Variants in FLI1 observed in about 807,000 individuals in gnomAD.
The protein encoded by FLI1 is Fli-1 proto-oncogene, ETS transcription factor, also known as Friend leukemia integration 1 transcription factor.
Under a neutral mutation model 53.1 loss-of-function variants are expected in FLI1, and 13 were observed. That is an observed-to-expected ratio of 0.24 (90% confidence interval 0.16 to 0.39). The LOEUF (loss-of-function observed/expected upper bound fraction) is 0.39, where lower values mean the gene tolerates loss of function less well. Ranked by LOEUF, FLI1 falls within the 10% of genes least tolerant of loss-of-function variation. The pLI is 1.00. For synonymous variants in FLI1, 244 were observed against 236.7 expected, an observed-to-expected ratio of 1.03 and a Z score of -0.28; for missense variants, 424 against 600.5, an observed-to-expected ratio of 0.71 and a Z score of 3.07.
intron 5 of FLI1, among the ~76,000 whole-genome samples, chr11:128,802,361 G>C (rs186311823): frequency 1.1e-4 from 17 of 152,294 alleles, no homozygotes; most frequent in Admixed American, 9.8e-4. Context: ...GCTGTCCTTT[G>C]TGCAGCCAGG....
chr11:128,687,458 A>G (rs1256789981), intron 1 of FLI1, among the ~76,000 whole-genome samples: 1 of 152,080 alleles, frequency 6.6e-6, no homozygotes, highest in Admixed American at 6.5e-5. Context: ...ACGCCCTCCG[A>G]GTAGGGACCC....
At chr11:128,798,228 G>A (rs547902532) in intron 5 of FLI1, among the ~76,000 whole-genome samples, 8 of 152,268 alleles carry the variant, frequency 5.3e-5, no homozygotes, top group African/African-American at 1.4e-4. Flanking sequence ...GGAAGTTTTG[G>A]CAAACACCCA....
chr11:128,698,175 G>T (rs775079202), intron 1 of FLI1, among the ~76,000 whole-genome samples: 1 of 152,356 alleles, frequency 6.6e-6, no homozygotes, highest in Middle Eastern at 3.4e-3. Context: ...TCTGGACAAG[G>T]TTTGGAAGAA....
intron 2 of FLI1, among the ~76,000 whole-genome samples, chr11:128,762,908 A>G (rs1484514591): frequency 6.6e-6 from 1 of 152,064 alleles, no homozygotes; most frequent in Admixed American, 6.6e-5. Flanking sequence ...GTGAGCCGAG[A>G]TCATGCCACT....
At chr11:128,768,738 C>CTGCCCTTT (rs146576982) in intron 3 of FLI1, among the ~76,000 whole-genome samples, 8 of 150,458 alleles carry the variant, frequency 5.3e-5, no homozygotes, top group African/African-American at 7.3e-5. Context: ...GACTTCCTAG[C>CTGCCCTTT]TGCCCTTTAA....
chr11:128,719,096 G>A (rs115283865), intron 1 of FLI1, among the ~76,000 whole-genome samples: 104 of 152,132 alleles, frequency 6.8e-4, no homozygotes, highest in African/African-American at 2.3e-3. Context: ...CTGTAATTAC[G>A]GAGCTTTGGG....
At chr11:128,760,436 A>G (rs1325008989) in intron 2 of FLI1, among the ~76,000 whole-genome samples, 1 of 150,236 alleles carries the variant, frequency 6.7e-6, no homozygotes. Flanking sequence ...GAGGAGGCCT[A>G]TTCTACGATG....
chr11:128,733,531 A>G (rs1280297203), intron 1 of FLI1, among the ~76,000 whole-genome samples: 3 of 152,212 alleles, frequency 2.0e-5, no homozygotes, highest in Non-Finnish European at 4.4e-5. Flanking sequence ...GGGCCAGAGT[A>G]GATAAAAATA....
rs916521139 is a variant in FLI1 at position 128,794,264 on chromosome 11, G to GA, written c.656-11094dup. On this transcript the variant is annotated intron_variant, in intron 5 of 8. Coordinates refer to ENST00000527786, the MANE Select transcript of FLI1 (RefSeq NM_002017.5). The stretch of plus-strand genomic sequence containing the variant: ...GGAGAAGGGTCCCAAAATACTTTGG[G>GA]AAAAAAAAGGACAGGCCTATAATGC... Among the ~76,000 whole-genome samples the GA allele has an allele frequency of 3.3e-5, 5 of 152,006 alleles. No individual in the cohort carries two copies. In the East Asian group the frequency reaches 7.7e-4, roughly 23 times the overall value.
intron 1 of FLI1, among the ~76,000 whole-genome samples, chr11:128,753,798 C>T (rs576752866): frequency 8.5e-5 from 13 of 152,308 alleles, no homozygotes; most frequent in Middle Eastern, 3.4e-3. Flanking sequence ...TCTTGTTTGC[C>T]TCCTCCGTCC....
At chr11:128,706,589 C>G (rs1166242178) in intron 1 of FLI1, among the ~76,000 whole-genome samples, 4 of 152,152 alleles carry the variant, frequency 2.6e-5, no homozygotes, top group Admixed American at 6.5e-5. Context: ...CAGGCAAGAG[C>G]CCCTGGAAGC....
At chr11:128,784,047 G>A (rs999638211) in intron 5 of FLI1, among the ~76,000 whole-genome samples, 1 of 152,174 alleles carries the variant, frequency 6.6e-6, no homozygotes, top group Non-Finnish European at 1.5e-5. Flanking sequence ...GAACTGCTGA[G>A]TTCGGATTTT....
intron 4 of FLI1, among the ~76,000 whole-genome samples, chr11:128,781,003 A>G (rs1429021118): frequency 6.6e-6 from 1 of 152,204 alleles, no homozygotes; most frequent in Non-Finnish European, 1.5e-5. Context: ...ACAAAGGAAA[A>G]AGTCTAGTTT....
intron 1 of FLI1, among the ~76,000 whole-genome samples, chr11:128,741,726 T>TC (rs1236173873): frequency 1.3e-5 from 2 of 152,056 alleles, no homozygotes; most frequent in African/African-American, 2.4e-5. Flanking sequence ...CCTTTGCCCC[T>TC]CCCCCCGATT....
rs535484569 is a variant in FLI1, at chr11:128,719,349, C to T, written c.18+25073C>T. Among the ~76,000 whole-genome samples the T allele has an allele frequency of 5.9e-5, 8 of 134,938 alleles. No homozygotes were observed. In the East Asian group the frequency reaches 1.3e-3, roughly 21 times the overall value. The allele number at this position is 134,938 out of a possible 152,430, so 88.5% of individuals were successfully genotyped here. On this transcript the variant is annotated intron_variant, in intron 1 of 8. Coordinates refer to ENST00000527786, the MANE Select transcript of FLI1 (RefSeq NM_002017.5). ...TGCGTGTGTGTGTACTCTTTCTCCC[C>T]TTTTCCCGTGTGTGTGTGTGTGTGT...
At chr11:128,793,873 A>G (rs571021419) in intron 5 of FLI1, among the ~76,000 whole-genome samples, 28 of 152,204 alleles carry the variant, frequency 1.8e-4, no homozygotes, top group African/African-American at 6.7e-4. Flanking sequence ...GGGTCTCCAG[A>G]GCACCCTCCC....
chr11:128,687,229 C>A (rs1312508731), intron 1 of FLI1, among the ~76,000 whole-genome samples: 1 of 151,982 alleles, frequency 6.6e-6, no homozygotes, highest in Non-Finnish European at 1.5e-5. Flanking sequence ...CCTTCGGAAG[C>A]GCAGATTGCT....
At chr11:128,749,762 T>G (rs1213973534) in intron 1 of FLI1, among the ~76,000 whole-genome samples, 1 of 152,238 alleles carries the variant, frequency 6.6e-6, no homozygotes, top group East Asian at 1.9e-4. Flanking sequence ...ACCTTCTTCC[T>G]TATCCAACTT....
rs147595802 is a variant in FLI1 at position 128,705,602 on chromosome 11, G to A, written c.18+11326G>A. 3.0e-3 allele frequency among the ~76,000 whole-genome samples: 457 copies of A among 152,294 alleles called. 1 individual carries two copies. Among genetic ancestry groups the A allele is most frequent in the African/African-American group, 0.01 (426 of 41,562 alleles). On this transcript the variant is annotated intron_variant, in intron 1 of 8. Transcript: ENST00000527786. ...AAGGGAATGTTTTGCGAGGTTAAAA[G>A]GAAATCATTGAGTAGGGCTGACTTC...
Sources: allele counts gnomAD v4.1 joint callset (sites outside exome capture counted in the v4.1 genomes callset), GRCh38; gene constraint gnomAD v4.1.1; transcripts MANE v1.5; gene names NCBI Gene and HGNC (gene_info 2026-07-23, HGNC 2026-07-21).